Variants in DOCK10 observed in about 807,000 individuals in gnomAD.
DOCK10 encodes the protein dedicator of cytokinesis 10.
Under a neutral mutation model 280.1 loss-of-function variants are expected in DOCK10, and 145 were observed. That is an observed-to-expected ratio of 0.52 (90% confidence interval 0.45 to 0.59). The LOEUF (loss-of-function observed/expected upper bound fraction) is 0.59, where lower values mean the gene tolerates loss of function less well. Among genes scored for constraint, DOCK10 ranks in the 20% least tolerant of loss-of-function variants. The pLI is 0.00. For synonymous variants in DOCK10, 915 were observed against 942.2 expected (o/e 0.97, Z 0.53); for missense variants, 2,368 against 2,651.7 (o/e 0.89, Z 2.35).
At chr2:225,024,012 A>G (rs879886504) in intron 1 of DOCK10, among the ~76,000 whole-genome samples, 1 of 152,256 alleles carries the variant, frequency 6.6e-6, no homozygotes, top group Non-Finnish European at 1.5e-5. Flanking sequence ...CCGATGTACT[A>G]AGGACACCCT....
At chr2:224,889,749 C>T (rs1291494769) in intron 4 of DOCK10, among the ~76,000 whole-genome samples, 1 of 152,176 alleles carries the variant, frequency 6.6e-6, no homozygotes, top group Admixed American at 6.5e-5. Flanking sequence ...AAAAATATTC[C>T]TTTTCTCCTT....
chr2:224,867,032 A>G (rs1293914433), intron 11 of DOCK10, among the ~76,000 whole-genome samples: 3 of 151,890 alleles, frequency 2.0e-5, no homozygotes, highest in Non-Finnish European at 4.4e-5. Flanking sequence ...TGTCACAGGG[A>G]TATCATTGCT....
intron 51 of DOCK10, among the ~76,000 whole-genome samples, chr2:224,776,810 T>C (rs182245794): frequency 9.7e-4 from 148 of 152,340 alleles, no homozygotes; most frequent in Non-Finnish European, 2.8e-4. Context: ...TGTGCTGGGC[T>C]TCTCAGCATG....
intron 47 of DOCK10, among the ~76,000 whole-genome samples, chr2:224,791,824 C>T (rs1238629362): frequency 6.6e-6 from 1 of 152,034 alleles, no homozygotes; most frequent in Non-Finnish European, 1.5e-5. Flanking sequence ...AGAAAACATA[C>T]AAATATTTAA....
rs537612809 is a variant in DOCK10 at position 224,804,073 on chromosome 2, C to A, written c.4268+39G>T. The A allele has an allele frequency of 2.4e-6, 3 of 1,236,852 alleles. No homozygotes were observed. The African/African-American group carries it at 4.5e-5, about 19-fold the overall frequency. 76.6% of individuals were successfully genotyped at this position (1,236,852 alleles called of 1,614,324 possible). The stretch of plus-strand genomic sequence containing the variant: ...TGCATATACAGACACACACACACAG[C>A]TATATATAATTTTAAATACCAAGCA... On this transcript the variant is annotated intron_variant, in intron 39 of 55. Transcript: ENST00000258390.
intron 50 of DOCK10, among the ~76,000 whole-genome samples, chr2:224,785,640 C>A (rs1691680884): frequency 6.6e-6 from 1 of 151,990 alleles, no homozygotes; most frequent in Non-Finnish European, 1.5e-5. Context: ...GCCACCACAC[C>A]CGGCTAATTT....
rs1429293342 is a variant in DOCK10 at position 224,845,242 on chromosome 2, A to G, written c.2442T>C (p.Pro814=). 1 of 1,583,776 alleles carries G rather than the reference A, an allele frequency of 6.3e-7. No homozygotes were observed. Among genetic ancestry groups the G allele is most frequent in the Non-Finnish European group, 8.6e-7 (1 of 1,163,294 alleles). The change falls in exon 21 of 56, where the codon CCT becomes CCC. Residue 814 remains proline (P), a synonymous_variant. Coordinates refer to ENST00000258390, the MANE Select transcript of DOCK10 (RefSeq NM_014689.3). ...EYNIPIATSL[P]PNYLSFQDSA... is the part of the protein sequence containing the mutation. Reference sequence around the variant, plus strand: ...AATCTTGAAAGCTTAAATAATTAGGAGGCAGACTTGTTGCTATTGGGATGT... The same window carrying G: ...AATCTTGAAAGCTTAAATAATTAGGGGGCAGACTTGTTGCTATTGGGATGT...
At chr2:224,992,830 G>T (rs923023573) in intron 1 of DOCK10, among the ~76,000 whole-genome samples, 1 of 152,204 alleles carries the variant, frequency 6.6e-6, no homozygotes, top group Non-Finnish European at 1.5e-5. Context: ...GGTTAGAATA[G>T]ATGCCATGAG....
chr2:224,899,885 G>T (rs1318003237), intron 3 of DOCK10, among the ~76,000 whole-genome samples: 1 of 152,170 alleles, frequency 6.6e-6, no homozygotes, highest in African/African-American at 2.4e-5. Flanking sequence ...GTACAGCCTT[G>T]GGAACTAGGG....
chr2:224,797,708 C>A, intron 42 of DOCK10, 124 bp downstream of exon 42: 1 of 1,181,292 alleles, frequency 8.5e-7, no homozygotes, highest in Non-Finnish European at 1.2e-6. Context: ...CTAATAAAAC[C>A]CAAATTGAAG....
At chr2:224,963,080 G>T (rs550464175) in intron 1 of DOCK10, among the ~76,000 whole-genome samples, 5 of 152,294 alleles carry the variant, frequency 3.3e-5, no homozygotes, top group African/African-American at 1.2e-4. Context: ...TCCAAGCTGA[G>T]TGGTGGCTGA....
At chr2:224,930,200 TAAAA>T (rs749672431) in intron 2 of DOCK10, among the ~76,000 whole-genome samples, 4 of 92,276 alleles carry the variant, frequency 4.3e-5, no homozygotes, top group Admixed American at 1.3e-4. Flanking sequence ...TGACACTCGG[TAAAA>T]AAAAAAAAAA....
rs537923415 is a variant in DOCK10, at chr2:224,786,703, T to G, written c.5655+319A>C. Among the ~76,000 whole-genome samples the G allele has an allele frequency of 7.7e-4, 117 of 152,346 alleles. No homozygotes were observed. The highest frequency in any genetic ancestry group is 2.8e-3 in the African/African-American group (117 of 41,590). ...TATTCAATTTAATTTCACTTTAATA[T>G]ATGGCGTAAACTTATAATTAGATAT... On this transcript the variant is annotated intron_variant, in intron 50 of 55. Transcript: ENST00000258390. The surrounding 1 kb of genome is among the most constrained non-coding windows in gnomAD (Gnocchi z 4.7).
rs1187624190 is a variant in DOCK10 at position 224,970,572 on chromosome 2, A to ATCCGAAGAGATTACAACAAAGTGATTT, written c.124-38931_124-38905dup. Among the ~76,000 whole-genome samples, 1 of 152,152 alleles carries ATCCGAAGAGATTACAACAAAGTGATTT rather than the reference A, an allele frequency of 6.6e-6. No homozygotes were observed. The highest frequency in any genetic ancestry group is 1.9e-4 in the East Asian group (1 of 5,200). ...AAAATAGAATTCTATAAACCCTTCA[A>ATCCGAAGAGATTACAACAAAGTGATTT]TCCGAAGAGATTACAACAAAGTGAT... On this transcript the variant is annotated intron_variant, in intron 1 of 55. Transcript: ENST00000258390. This position sits in a 1 kb window ranked among gnomAD's most constrained non-coding sequence, Gnocchi z 4.6.
intron 13 of DOCK10, among the ~76,000 whole-genome samples, chr2:224,863,038 A>T (rs1285380861): frequency 6.6e-6 from 1 of 152,226 alleles, no homozygotes; most frequent in Non-Finnish European, 1.5e-5. Flanking sequence ...TAAAATCTTG[A>T]ATGGAAAGTA....
intron 22 of DOCK10, 96 bp downstream of exon 22, chr2:224,844,657 T>C: frequency 2.4e-6 from 2 of 820,350 alleles, no homozygotes; most frequent in Non-Finnish European, 4.0e-6. Context: ...TTTCTGACAC[T>C]TCATGAAATG....
intron 11 of DOCK10, among the ~76,000 whole-genome samples, chr2:224,868,058 G>A (rs183916323): frequency 2.7e-3 from 405 of 152,206 alleles, no homozygotes; most frequent in African/African-American, 9.4e-3. Context: ...TTTGTGTGTG[G>A]GGTCCTGTTG....
At chr2:224,836,199 C>A (rs755326830) in intron 25 of DOCK10, among the ~76,000 whole-genome samples, 2 of 152,094 alleles carry the variant, frequency 1.3e-5, no homozygotes, top group Non-Finnish European at 2.9e-5. Flanking sequence ...ATGAAACATT[C>A]GGGTAATGAA....
At chr2:225,000,229 C>G (rs1418789641) in intron 1 of DOCK10, among the ~76,000 whole-genome samples, 2 of 150,726 alleles carry the variant, frequency 1.3e-5, no homozygotes, top group East Asian at 3.9e-4. Context: ...CACACAGACA[C>G]ACACACACAC....
Sources: allele counts gnomAD v4.1 joint callset (sites outside exome capture counted in the v4.1 genomes callset), GRCh38; gene constraint gnomAD v4.1.1; non-coding constraint Gnocchi (gnomAD v3.1); transcripts MANE v1.5; gene names NCBI Gene and HGNC (gene_info 2026-07-23, HGNC 2026-07-21).